TPRG1: variants seen among roughly 807,000 people sequenced by gnomAD.
TPRG1 encodes the protein tumor protein p63 regulated 1.
A neutral mutation model predicts 29.3 loss-of-function variants in TPRG1; 29 were observed. The observed-to-expected ratio is 0.99, with a 90% CI of 0.74 to 1.35. The LOEUF (loss-of-function observed/expected upper bound fraction) is 1.35, where lower values mean the gene tolerates loss of function less well. Ranked by LOEUF, TPRG1 falls within the 40% of genes most tolerant of loss-of-function variation. TPRG1 has a pLI of 0.00. For missense variants in TPRG1, 327 were observed against 335.0 expected, an observed-to-expected ratio of 0.98 and a Z score of 0.19; for synonymous variants, 130 against 116.8, an observed-to-expected ratio of 1.11 and a Z score of -0.73.
rs535945690 is a variant in TPRG1 at position 189,224,679 on chromosome 3, A to G, written c.302+9296A>G. Among the ~76,000 whole-genome samples the G allele has an allele frequency of 5.3e-5, 8 of 152,264 alleles. No individual in the cohort carries two copies. The South Asian group carries it at 1.7e-3, about 32-fold the overall frequency. On this transcript the variant is annotated intron_variant, in intron 3 of 5. Coordinates refer to ENST00000345063, the MANE Select transcript of TPRG1 (RefSeq NM_198485.4). The stretch of plus-strand genomic sequence containing the variant: ...AAGAATTCTGAATGGTAGCCTAAGG[A>G]GTTTGGATCATATTCTCTTCTGGAG...
chr3:189,315,545 T>G, intron 5 of TPRG1: 1 of 455,004 alleles, frequency 2.2e-6, no homozygotes, highest in South Asian at 1.6e-5. Context: ...AACTGATGAA[T>G]AGCAGTGAAC....
At chr3:189,198,313 A>G (rs976249066) in intron 1 of TPRG1, among the ~76,000 whole-genome samples, 1 of 151,964 alleles carries the variant, frequency 6.6e-6, no homozygotes, top group Non-Finnish European at 1.5e-5. Flanking sequence ...CCCACTCACC[A>G]TCTTCTGTCT....
At chr3:189,262,112 G>A (rs1004172713) in intron 4 of TPRG1, among the ~76,000 whole-genome samples, 1 of 152,090 alleles carries the variant, frequency 6.6e-6, no homozygotes, top group Non-Finnish European at 1.5e-5. Flanking sequence ...CCAGCTAAGG[G>A]AGAAATTCTG....
chr3:189,016,128 C>G (rs186041908), intron 3 of TPRG1, among the ~76,000 whole-genome samples: 26 of 152,188 alleles, frequency 1.7e-4, no homozygotes, highest in Admixed American at 5.9e-4. Flanking sequence ...CCACAGGGGT[C>G]GAGATGCCCA....
chr3:189,269,577 G>A (rs1243199255), intron 4 of TPRG1, among the ~76,000 whole-genome samples: 1 of 152,132 alleles, frequency 6.6e-6, no homozygotes, highest in African/African-American at 2.4e-5. Flanking sequence ...ATACTTGGCA[G>A]AGGATTTGTT....
chr3:189,219,720 C>T (rs1736657914), intron 3 of TPRG1: 1 of 1,250,952 alleles, frequency 8.0e-7, no homozygotes, highest in African/African-American at 1.6e-5. Context: ...GAGACAGCAT[C>T]TTCCCTCCAC....
intron 4 of TPRG1, among the ~76,000 whole-genome samples, chr3:189,090,798 A>G (rs540443205): frequency 5.9e-5 from 9 of 152,098 alleles, no homozygotes; most frequent in Non-Finnish European, 1.2e-4. Flanking sequence ...ACTTATTGCT[A>G]AGCTTTATTC....
chr3:189,161,986 G>A lies in TPRG1; in HGVS notation c.-10+11114G>A, dbSNP rs1457249669. Among the ~76,000 whole-genome samples, 4 of 151,990 alleles carry A rather than the reference G, an allele frequency of 2.6e-5. No homozygotes were observed. In the East Asian group the frequency reaches 7.8e-4, roughly 30 times the overall value. ...TGATGGGGAAGGACTCTAGGAAGCG[G>A]GACCATTCTTTTTTTTCTTTTTTTG... On this transcript the variant is annotated intron_variant, in intron 5 of 6. Transcript: ENST00000412373.
intron 1 of TPRG1, among the ~76,000 whole-genome samples, chr3:189,188,290 G>T (rs1326361405): frequency 6.6e-6 from 1 of 152,118 alleles, no homozygotes; most frequent in Non-Finnish European, 1.5e-5. Flanking sequence ...ATTTTCTTTT[G>T]ACCTCTTCTC....
intron 4 of TPRG1, among the ~76,000 whole-genome samples, chr3:189,298,973 C>T (rs888997562): frequency 6.6e-6 from 1 of 152,098 alleles, no homozygotes; most frequent in Non-Finnish European, 1.5e-5. Context: ...GTTAACTGGT[C>T]TAACTGCCCG....
chr3:189,067,019 T>C (rs1481656473), intron 4 of TPRG1, among the ~76,000 whole-genome samples: 1 of 152,218 alleles, frequency 6.6e-6, no homozygotes, highest in East Asian at 1.9e-4. Flanking sequence ...CATTTCTATA[T>C]GTCAAGAGTG....
exon 3 of TPRG1, chr3:189,004,737 C>G (rs1464105183): frequency 6.6e-6 from 1 of 152,122 alleles, no homozygotes; most frequent in African/African-American, 2.4e-5. Flanking sequence ...GACTCAAATG[C>G]CTACTCAGCC....
intron 5 of TPRG1, among the ~76,000 whole-genome samples, chr3:189,154,988 A>C (rs891268584): frequency 1.3e-5 from 2 of 152,216 alleles, no homozygotes; most frequent in Admixed American, 1.3e-4. Context: ...GAAGTAAGGG[A>C]ATGAGCTATG....
chr3:189,096,523 C>T (rs1275613813), upstream of TPRG1, among the ~76,000 whole-genome samples: 1 of 152,176 alleles, frequency 6.6e-6, no homozygotes, highest in South Asian at 2.1e-4. Context: ...TTTCTTCCTT[C>T]TGACCTGTTC....
chr3:189,171,421 G>A (rs1266613708), upstream of TPRG1, among the ~76,000 whole-genome samples: 3 of 152,346 alleles, frequency 2.0e-5, no homozygotes, highest in Admixed American at 2.0e-4. Context: ...GTTTTGAGGA[G>A]TATATGAGAG....
chr3:189,194,250 A>G (rs996597673), intron 1 of TPRG1, among the ~76,000 whole-genome samples: 3 of 152,078 alleles, frequency 2.0e-5, no homozygotes, highest in Non-Finnish European at 4.4e-5. Context: ...ATGACAGCAT[A>G]GGTTGTTAAT....
intron 4 of TPRG1, among the ~76,000 whole-genome samples, chr3:189,299,774 T>C (rs552801627): frequency 6.6e-6 from 1 of 152,316 alleles, no homozygotes; most frequent in Non-Finnish European, 1.5e-5. Context: ...CATTTGATGA[T>C]GTAACATTAG....
intron 1 of TPRG1, among the ~76,000 whole-genome samples, chr3:189,112,379 A>G (rs1181165442): frequency 6.6e-6 from 1 of 152,158 alleles, no homozygotes; most frequent in African/African-American, 2.4e-5. Context: ...CTTTAGTTTA[A>G]TTAGATCCCA....
intron 1 of TPRG1, chr3:189,120,139 T>C (rs1396422418): frequency 2.0e-5 from 3 of 152,224 alleles, no homozygotes; most frequent in African/African-American, 7.2e-5. Flanking sequence ...CAATGACCAC[T>C]ATGCTAGGAA....
Sources: gnomAD v4.1 joint callset for allele counts (sites outside exome capture counted in the v4.1 genomes callset) on GRCh38, gnomAD v4.1.1 for gene constraint, MANE v1.5 for transcripts, NCBI Gene and HGNC (gene_info 2026-07-23, HGNC 2026-07-21) for gene names.